The following PTPRE variants were observed in gnomAD, a reference collection of about 807,000 sequenced individuals.
PTPRE encodes the protein protein tyrosine phosphatase receptor type E.
Under a neutral mutation model 102.0 loss-of-function variants are expected in PTPRE, and 51 were observed. The observed-to-expected ratio is 0.50, with a 90% confidence interval of 0.40 to 0.63. The LOEUF is 0.63. Among genes scored for constraint, PTPRE ranks in the 30% least tolerant of loss-of-function variants. The probability of loss-of-function intolerance (pLI) is 0.00; values close to 1 mark genes in which losing one functional copy is unlikely to be tolerated. For synonymous variants in PTPRE, 345 were observed against 348.2 expected (o/e 0.99, Z 0.10); for missense variants, 752 against 915.1 (o/e 0.82, Z 2.30).
chr10:128,035,848 T>C (rs1057006821), intron 2 of PTPRE, among the ~76,000 whole-genome samples: 1 of 152,188 alleles, frequency 6.6e-6, no homozygotes, highest in African/African-American at 2.4e-5. Context: ...GCTCCAATTA[T>C]TGAGGTGCCG....
At chr10:128,065,086 T>C (rs1849949955) in intron 10 of PTPRE, among the ~76,000 whole-genome samples, 1 of 152,150 alleles carries the variant, frequency 6.6e-6, no homozygotes, top group South Asian at 2.1e-4. Context: ...CTGGGCTGCA[T>C]CAGAGATGGC....
In PTPRE at chr10:128,076,550, G is replaced by A. The variant is rs925709069; in HGVS notation, c.1600-53G>A. 22 of 1,513,008 alleles carry A rather than the reference G, an allele frequency of 1.5e-5. 1 individual carries two copies. Among genetic ancestry groups the A allele is most frequent in the Admixed American group, 4.8e-5 (2 of 41,256 alleles). The allele number at this position is 1,513,008 out of a possible 1,614,324, so 93.7% of individuals were successfully genotyped here. ...AATTCTGTGTTATAAACTCAAAATC[G>A]CCAGCAGCAAATTATTTATTACAAG... On this transcript the variant is annotated intron_variant, in intron 17 of 20. Transcript: ENST00000254667.
intron 2 of PTPRE, among the ~76,000 whole-genome samples, chr10:127,995,380 T>G (rs1853144817): frequency 6.6e-6 from 1 of 152,208 alleles, no homozygotes; most frequent in Admixed American, 6.5e-5. Context: ...CTTCTTGGTT[T>G]TCTTCCATCC....
chr10:128,045,735 C>T lies in PTPRE; in HGVS notation c.110-1655C>T, dbSNP rs563423436. ...GGAAGCCTCAGGCCAGCTCACTTCCCCAGGGAAGCTCTGCTGTGGGCAGGT... is the reference window on the plus strand; with the variant it reads ...GGAAGCCTCAGGCCAGCTCACTTCCTCAGGGAAGCTCTGCTGTGGGCAGGT... On this transcript the variant is annotated intron_variant, in intron 3 of 20. Coordinates refer to ENST00000254667, the MANE Select transcript of PTPRE (RefSeq NM_006504.6). 4.6e-5 allele frequency among the ~76,000 whole-genome samples: 7 copies of T among 152,290 alleles called. No individual in the cohort carries two copies. The South Asian group carries it at 1.4e-3, about 32-fold the overall frequency.
chr10:127,987,878 G>A (rs141976327), intron 2 of PTPRE, among the ~76,000 whole-genome samples: 134 of 152,360 alleles, frequency 8.8e-4, no homozygotes, highest in Admixed American at 5.4e-3. Context: ...GCAAGTGTGA[G>A]GGACCTGGAC....
chr10:128,034,137 A>G (rs1410780220), intron 2 of PTPRE, among the ~76,000 whole-genome samples: 4 of 152,148 alleles, frequency 2.6e-5, no homozygotes, highest in Non-Finnish European at 5.9e-5. Flanking sequence ...CTCATCATCA[A>G]TCAGATTCTA....
In PTPRE at chr10:128,008,320, C is replaced by A. The variant is rs1382078612; in HGVS notation, c.-8+26024C>A. On this transcript the variant is annotated intron_variant, in intron 2 of 20. Coordinates refer to ENST00000254667, the MANE Select transcript of PTPRE (RefSeq NM_006504.6). This position sits in a 1 kb window ranked among gnomAD's most constrained non-coding sequence, Gnocchi z 4.0. The stretch of plus-strand genomic sequence containing the variant: ...GCAGCCTCAGGGCATTCACACTGCA[C>A]CTCTGGCCTCCTCCTGGAGCTTCTG... Among the ~76,000 whole-genome samples, 1 of 151,130 alleles carries A rather than the reference C, an allele frequency of 6.6e-6. No individual in the cohort carries two copies. Among genetic ancestry groups the A allele is most frequent in the Non-Finnish European group, 1.5e-5 (1 of 67,780 alleles).
intron 1 of PTPRE, among the ~76,000 whole-genome samples, chr10:127,930,414 G>A (rs1022513465): frequency 2.0e-5 from 3 of 152,118 alleles, no homozygotes; most frequent in Non-Finnish European, 2.9e-5. Context: ...CTTAGCACAC[G>A]GATTTAAGAA....
In PTPRE at chr10:127,981,007, C is replaced by T. The variant is rs931392306; in HGVS notation, c.-30-1267C>T. ...GGTAGATAGCAGCCTAATCAATAAT[C>T]CCAGTGTGAGGCTGCCATGCTGACC... On this transcript the variant is annotated intron_variant, in intron 1 of 20. Coordinates refer to ENST00000254667, the MANE Select transcript of PTPRE (RefSeq NM_006504.6). Among the ~76,000 whole-genome samples, 3 of 152,162 alleles carry T rather than the reference C, an allele frequency of 2.0e-5. No individual in the cohort carries two copies. In the South Asian group the frequency reaches 6.2e-4, roughly 32 times the overall value.
At chr10:128,072,391 AC>A (rs1850849676) in intron 16 of PTPRE, 177 bp downstream of exon 16, 1 of 572,896 alleles carries the variant, frequency 1.7e-6, no homozygotes, top group South Asian at 2.4e-5. Flanking sequence ...GATGGCTCAC[AC>A]CTGTAATCCC....
chr10:127,918,759 C>T (rs1306279707), intron 1 of PTPRE, among the ~76,000 whole-genome samples: 1 of 151,986 alleles, frequency 6.6e-6, no homozygotes, highest in African/African-American at 2.4e-5. Flanking sequence ...CACACAATGA[C>T]AGCAAGAGCA....
At chr10:127,961,455 G>A (rs945387522) in intron 1 of PTPRE, among the ~76,000 whole-genome samples, 1 of 152,154 alleles carries the variant, frequency 6.6e-6, no homozygotes, top group Non-Finnish European at 1.5e-5. Context: ...ACCCACAGTG[G>A]CCTGGGCTCT....
At chr10:128,052,019 T>C (rs1318894762) in intron 6 of PTPRE, among the ~76,000 whole-genome samples, 2 of 152,196 alleles carry the variant, frequency 1.3e-5, no homozygotes, top group Non-Finnish European at 1.5e-5. Context: ...TGTGCCACCA[T>C]GCCCACTGGC....
chr10:127,940,238 A>G (rs1314461917), intron 1 of PTPRE, among the ~76,000 whole-genome samples: 1 of 151,914 alleles, frequency 6.6e-6, no homozygotes, highest in Non-Finnish European at 1.5e-5. Flanking sequence ...CTCTCTAAAC[A>G]CTCTGCTCTG....
intron 20 of PTPRE, among the ~76,000 whole-genome samples, chr10:128,082,005 C>T (rs1360864554): frequency 2.0e-5 from 3 of 152,176 alleles, no homozygotes; most frequent in African/African-American, 4.8e-5. Flanking sequence ...CTTTCCAAGC[C>T]CCTGTCCCGG....
intron 2 of PTPRE, among the ~76,000 whole-genome samples, chr10:128,018,077 G>A (rs558446507): frequency 1.3e-4 from 20 of 152,274 alleles, no homozygotes; most frequent in African/African-American, 4.6e-4. Context: ...GCCCTGCAGA[G>A]CCCAGCAGCC....
chr10:127,952,998 C>T (rs1339325431), intron 1 of PTPRE, among the ~76,000 whole-genome samples: 1 of 152,144 alleles, frequency 6.6e-6, no homozygotes, highest in Admixed American at 6.5e-5. Context: ...GATATCCCTT[C>T]TGAAGTGAAG....
intron 2 of PTPRE, among the ~76,000 whole-genome samples, chr10:127,997,732 A>C (rs183037313): frequency 4.2e-4 from 64 of 152,372 alleles, no homozygotes; most frequent in African/African-American, 1.5e-3. Flanking sequence ...ACAAAAAAAT[A>C]TAGTTTCTCA....
intron 1 of PTPRE, among the ~76,000 whole-genome samples, chr10:127,963,918 GCC>G (rs1275563657): frequency 6.6e-6 from 1 of 152,144 alleles, no homozygotes; most frequent in African/African-American, 2.4e-5. Context: ...GACCCTCTGT[GCC>G]TGAGATAAAA....
Sources: gnomAD v4.1 joint callset for allele counts (sites outside exome capture counted in the v4.1 genomes callset) on GRCh38, gnomAD v4.1.1 for gene constraint, Gnocchi (gnomAD v3.1) non-coding constraint, MANE v1.5 for transcripts, NCBI Gene and HGNC (gene_info 2026-07-23, HGNC 2026-07-21) for gene names.